Variants in LIG1 observed in about 807,000 individuals in gnomAD.
LIG1 encodes the protein DNA ligase 1.
LIG1 carries 70 observed loss-of-function variants against 115.7 expected under a neutral mutation model. That is an observed-to-expected ratio of 0.60 (90% CI 0.50 to 0.74). The LOEUF (loss-of-function observed/expected upper bound fraction) is 0.74. Ranked by LOEUF, LIG1 falls within the 30% of genes least tolerant of loss-of-function variation. The probability of loss-of-function intolerance (pLI) is 0.00; values close to 1 mark genes in which losing one functional copy is unlikely to be tolerated. For missense variants in LIG1, 1,115 were observed against 1,225.6 expected (o/e 0.91, Z 1.35); for synonymous variants, 487 against 495.3 (o/e 0.98, Z 0.22).
At chr19:48,135,975 AG>A in intron 15 of LIG1, 58 bp downstream of exon 15, 2 of 1,308,030 alleles carry the variant, frequency 1.5e-6, no homozygotes, top group Non-Finnish European at 1.0e-6. Context: ...TCTGAAGAGG[AG>A]GGGGGAAGCC....
chr19:48,133,913 C>T, intron 17 of LIG1, 68 bp downstream of exon 17: 2 of 1,351,092 alleles, frequency 1.5e-6, no homozygotes. Flanking sequence ...CTACGATGGC[C>T]ACCCTCACGC....
chr19:48,124,002 T>A (rs1015762481), intron 21 of LIG1, among the ~76,000 whole-genome samples: 1 of 152,230 alleles, frequency 6.6e-6, no homozygotes, highest in Admixed American at 6.6e-5. Context: ...GGAGGTGATC[T>A]GAGTGTTTTT....
intron 24 of LIG1, chr19:48,120,531 C>A (rs1333611661): frequency 1.0e-6 from 1 of 985,148 alleles, no homozygotes; most frequent in African/African-American, 1.7e-5. Context: ...GTAAGAAAAT[C>A]TAGTCCAAAA....
chr19:48,146,510 GTC>G (rs933915073), intron 9 of LIG1, among the ~76,000 whole-genome samples: 6 of 152,148 alleles, frequency 3.9e-5, no homozygotes, highest in African/African-American at 1.4e-4. Context: ...AAAAGTGTCT[GTC>G]TCTATTAAAA....
chr19:48,158,294 T>C (rs1025546423), intron 4 of LIG1, among the ~76,000 whole-genome samples: 1 of 152,196 alleles, frequency 6.6e-6, no homozygotes, highest in Non-Finnish European at 1.5e-5. Flanking sequence ...TGCCCTCCTC[T>C]TCCTGTTGGC....
chr19:48,132,093 C>G (rs754505074), intron 18 of LIG1, among the ~76,000 whole-genome samples: 1 of 152,048 alleles, frequency 6.6e-6, no homozygotes, highest in Non-Finnish European at 1.5e-5. Context: ...CACACGCCAC[C>G]ACACTGGCTC....
chr19:48,119,231 C>T, intron 24 of LIG1, 41 bp from the exon 25 acceptor site: 1 of 1,519,146 alleles, frequency 6.6e-7, no homozygotes, highest in Non-Finnish European at 9.0e-7. Flanking sequence ...CAGCCAGCCA[C>T]AGGCCCAGCA....
At chr19:48,151,012 T>C (rs1253006789) in intron 7 of LIG1, among the ~76,000 whole-genome samples, 1 of 152,076 alleles carries the variant, frequency 6.6e-6, no homozygotes, top group Non-Finnish European at 1.5e-5. Context: ...AGGAAGATTT[T>C]TTAAAGAATG....
chr19:48,160,638 C>T (rs2036117638), intron 4 of LIG1, among the ~76,000 whole-genome samples: 1 of 152,130 alleles, frequency 6.6e-6, no homozygotes, highest in Non-Finnish European at 1.5e-5. Flanking sequence ...CATTAAATGA[C>T]TTAAACAGGG....
At position 48,131,113 on chromosome 19, in the gene LIG1, G is replaced by C. The variant is rs372012522; in HGVS notation, c.1784C>G (p.Thr595Ser). Residue 595 changes from threonine to serine, a missense_variant, in exon 19 of 28, where the codon ACT becomes AGT. Thr to Ser is a moderately conservative substitution (Grantham distance 58, BLOSUM62 1). Transcript: ENST00000263274. ...KIFSRNQEDNTGKYPDIISRI... is the reference protein window; with the variant it reads ...KIFSRNQEDNSGKYPDIISRI... The stretch of plus-strand genomic sequence containing the variant: ...GCTGATGATGTCCGGGTACTTCCCA[G>C]TGTTGTCTTCCTGATTCCTGCTGAA... 11 of 1,614,144 alleles carry C rather than the reference G, an allele frequency of 6.8e-6. No individual in the cohort carries two copies. Among genetic ancestry groups the C allele is most frequent in the African/African-American group, 1.3e-5 (1 of 75,050 alleles).
chr19:48,137,586 G>T lies in LIG1; in HGVS notation c.1190C>A (p.Pro397His), dbSNP rs759797286. 6 of 1,613,284 alleles carry T rather than the reference G, an allele frequency of 3.7e-6. No individual in the cohort carries two copies. The highest frequency in any genetic ancestry group is 1.6e-4 in the Middle Eastern group (1 of 6,084). ...GAAGACCCCGGAGGCAGTGAGCGGA[G>T]GTGGTGGCAGCATGAGCCTCTGGGT... ...RSTQRLMLPP[P>H]PLTASGVFSK... The change falls in exon 13 of 28, where the codon CCT (proline) becomes CAT (histidine). Residue 397 changes from proline (P) to histidine (H), a missense_variant. Coordinates refer to ENST00000263274, the MANE Select transcript of LIG1 (RefSeq NM_000234.3). This position sits in a 1 kb window ranked among gnomAD's most constrained non-coding sequence, Gnocchi z 4.3.
chr19:48,115,828 G>A (rs2032763095), intron 27 of LIG1, 45 bp downstream of exon 27: 1 of 1,590,896 alleles, frequency 6.3e-7, no homozygotes, highest in Non-Finnish European at 8.6e-7. Flanking sequence ...AAAGCTGGTA[G>A]GGCCAAGCAG....
At chr19:48,130,964 G>T in intron 19 of LIG1, 112 bp downstream of exon 19, 3 of 826,768 alleles carry the variant, frequency 3.6e-6, no homozygotes, top group South Asian at 1.4e-5. Flanking sequence ...AACGCAACCT[G>T]ATCTCCTCCC....
At chr19:48,125,481 G>A (rs1013346969) in intron 21 of LIG1, among the ~76,000 whole-genome samples, 5 of 151,162 alleles carry the variant, frequency 3.3e-5, no homozygotes, top group South Asian at 2.1e-4. Context: ...CTGTCCCGGC[G>A]AAGGACAGAT....
Position 48,159,786 on chromosome 19 carries a change from T to G in LIG1, c.243+1586A>C, listed in dbSNP as rs927589538. 4.6e-5 allele frequency among the ~76,000 whole-genome samples: 7 copies of G among 152,182 alleles called. No individual in the cohort carries two copies. In the East Asian group the frequency reaches 1.2e-3, roughly 25 times the overall value. ...AGGCTGGAGTGCAGTGGCACGATCT[T>G]GGCTCACTGCAAGCTCCGCCTCCCG... On this transcript the variant is annotated intron_variant, in intron 4 of 27. Transcript: ENST00000263274.
intron 11 of LIG1, among the ~76,000 whole-genome samples, chr19:48,140,836 T>C (rs1376630731): frequency 6.6e-6 from 1 of 152,140 alleles, no homozygotes; most frequent in Non-Finnish European, 1.5e-5. Context: ...ACCAAGCCCC[T>C]ACACGCCAAA....
chr19:48,143,412 T>C, intron 11 of LIG1, 131 bp downstream of exon 11: 12 of 860,282 alleles, frequency 1.4e-5, no homozygotes, highest in South Asian at 1.3e-4. Flanking sequence ...CTGACATCCA[T>C]GATCATACGC....
At chr19:48,139,292 G>A (rs1165942543) in intron 12 of LIG1, among the ~76,000 whole-genome samples, 1 of 152,196 alleles carries the variant, frequency 6.6e-6, no homozygotes, top group African/African-American at 2.4e-5. Context: ...CCAAGCTGCC[G>A]ACGGCTTTGT....
chr19:48,119,146 C>T lies in LIG1; in HGVS notation c.2430G>A (p.Gln810=), dbSNP rs1255269033. 6.3e-7 allele frequency: 1 copy of T among 1,580,936 alleles called. No homozygotes were observed. Among genetic ancestry groups the T allele is most frequent in the South Asian group, 1.2e-5 (1 of 86,098 alleles). ...FSDEELEEHH[Q]SLKALVLPSP... ...AGCCGCCATGGCTCACCTTGAGGCT[C>T]TGGTGATGCTCCTCCAGCTCCTCAT... Residue 810 remains glutamine, a synonymous_variant, in exon 25 of 28, where the codon CAG becomes CAA. Transcript: ENST00000263274.
Sources: gnomAD v4.1 joint callset for allele counts (sites outside exome capture counted in the v4.1 genomes callset) on GRCh38, gnomAD v4.1.1 for gene constraint, Gnocchi (gnomAD v3.1) non-coding constraint, MANE v1.5 for transcripts, NCBI Gene and HGNC (gene_info 2026-07-23, HGNC 2026-07-21) for gene names.